Variants in ATP6V1C2 observed in about 807,000 individuals in gnomAD.
The protein encoded by ATP6V1C2 is ATPase H+ transporting V1 subunit C2, also known as V-type proton ATPase subunit C 2.
In ATP6V1C2, 45 loss-of-function variants were observed where a neutral mutation model predicts 56.8. The observed-to-expected ratio is 0.79, with a 90% CI of 0.62 to 1.02. The LOEUF is 1.02. Among genes scored for constraint, ATP6V1C2 ranks in the 50% least tolerant of loss-of-function variants. ATP6V1C2 has a pLI of 0.00. For missense variants in ATP6V1C2, 463 were observed against 519.7 expected, an observed-to-expected ratio of 0.89 and a Z score of 1.06; for synonymous variants, 220 against 201.3, an observed-to-expected ratio of 1.09 and a Z score of -0.79.
chr2:10,776,382 C>T (rs772296112), intron 10 of ATP6V1C2, among the ~76,000 whole-genome samples: 5 of 152,104 alleles, frequency 3.3e-5, no homozygotes, highest in Admixed American at 6.5e-5. Context: ...GCTGAGCCTG[C>T]GGGGAGGGTG....
chr2:10,768,657 A>G (rs1403894361), intron 5 of ATP6V1C2, 62 bp from the exon 6 acceptor site: 5 of 1,418,942 alleles, frequency 3.5e-6, no homozygotes, highest in African/African-American at 1.4e-5. Flanking sequence ...GGCCATTTCA[A>G]AAAGTTCAGC....
intron 6 of ATP6V1C2, among the ~76,000 whole-genome samples, chr2:10,770,947 T>G (rs1243569743): frequency 6.6e-6 from 1 of 152,208 alleles, no homozygotes; most frequent in Non-Finnish European, 1.5e-5. Flanking sequence ...GGCTTCGTGT[T>G]GGGGATTCAG....
intron 4 of ATP6V1C2, chr2:10,757,344 C>T: frequency 2.5e-6 from 1 of 397,784 alleles, no homozygotes; most frequent in Non-Finnish European, 4.4e-6. Context: ...TTTAAATTGA[C>T]ATATGGAAAT....
chr2:10,734,199 C>T (rs907698689), intron 3 of ATP6V1C2, among the ~76,000 whole-genome samples: 1 of 152,136 alleles, frequency 6.6e-6, no homozygotes, highest in Non-Finnish European at 1.5e-5. Flanking sequence ...CTCCCACTTT[C>T]CATGGCGGCT....
intron 12 of ATP6V1C2, 92 bp from the exon 13 acceptor site, chr2:10,782,151 T>C (rs1665402081): frequency 6.1e-6 from 9 of 1,473,636 alleles, no homozygotes; most frequent in Non-Finnish European, 8.3e-6. Context: ...TTGAAGCTTT[T>C]CACCCTCGGA....
intron 3 of ATP6V1C2, among the ~76,000 whole-genome samples, chr2:10,730,127 T>G (rs781115567): frequency 2.6e-5 from 4 of 152,138 alleles, no homozygotes; most frequent in Non-Finnish European, 4.4e-5. Flanking sequence ...TGAGTATTTC[T>G]TTTTTTAAGA....
intron 3 of ATP6V1C2, chr2:10,744,081 C>A (rs989708484): frequency 2.6e-5 from 4 of 152,024 alleles, no homozygotes; most frequent in Admixed American, 2.6e-4. Context: ...ACCTGGGAGG[C>A]TAAGGTAGGA....
chr2:10,764,282 G>C (rs1664093262), intron 4 of ATP6V1C2, 49 bp from the exon 5 acceptor site: 2 of 1,482,254 alleles, frequency 1.3e-6, no homozygotes, highest in Non-Finnish European at 1.9e-6. Flanking sequence ...TCTCAATCAT[G>C]GATGCAGAGC....
At chr2:10,743,756 G>A (rs1662692936) in intron 3 of ATP6V1C2, among the ~76,000 whole-genome samples, 1 of 151,768 alleles carries the variant, frequency 6.6e-6, no homozygotes, top group East Asian at 2.0e-4. Context: ...AGGCCGAGGT[G>A]GGTGGATCAC....
chr2:10,776,597 A>G (rs1259926294), intron 10 of ATP6V1C2, among the ~76,000 whole-genome samples: 1 of 152,184 alleles, frequency 6.6e-6, no homozygotes, highest in African/African-American at 2.4e-5. Context: ...TGTTCTCTTC[A>G]GCCAGGCTTT....
intron 3 of ATP6V1C2, among the ~76,000 whole-genome samples, chr2:10,742,296 T>G (rs993327918): frequency 1.3e-5 from 2 of 152,170 alleles, no homozygotes; most frequent in African/African-American, 4.8e-5. Context: ...AAGCCTTCTC[T>G]TTGGTGTTGC....
In ATP6V1C2 at chr2:10,778,797, T is replaced by C; in HGVS notation, c.1061+128T>C. ...CGTCTCCTTTCTGAGACTGTGGCTG[T>C]TGGCAACACGCTCAATTCCGAGTCA... On this transcript the variant is annotated intron_variant, in intron 12 of 13. Transcript: ENST00000272238. The C allele has an allele frequency of 3.5e-6, 3 of 845,714 alleles. No individual in the cohort carries two copies. In the South Asian group the frequency reaches 4.5e-5, roughly 13 times the overall value. 52.4% of individuals were successfully genotyped at this position (845,714 alleles called of 1,614,324 possible). A position where few individuals can be genotyped will look rare whatever the true frequency, so the allele number is the denominator to read the frequency against.
chr2:10,784,787 T>C lies in ATP6V1C2; in HGVS notation c.*1524T>C, dbSNP rs1247120371. 5.0e-6 allele frequency: 3 copies of C among 605,554 alleles called. No homozygotes were observed. The highest frequency in any genetic ancestry group is 8.8e-6 in the Non-Finnish European group (3 of 339,756). 37.5% of individuals were successfully genotyped at this position (605,554 alleles called of 1,614,324 possible). ...AACTTGTGATAAGGAAGATGAAGGG[T>C]CTTCAGAGAAGAACCTCTTAAAAGG... On this transcript the variant is annotated 3_prime_UTR_variant, in exon 14 of 14. Transcript: ENST00000272238.
intron 3 of ATP6V1C2, among the ~76,000 whole-genome samples, chr2:10,729,182 T>TTTTTTTTTTGG (rs1661823497): frequency 6.6e-6 from 1 of 151,710 alleles, no homozygotes; most frequent in Admixed American, 6.6e-5. Context: ...CTTTTTTTTT[T>TTTTTTTTTTGG]GAGATAGAGT....
chr2:10,782,442 C>T, intron 13 of ATP6V1C2, 67 bp downstream of exon 13: 1 of 1,566,266 alleles, frequency 6.4e-7, no homozygotes, highest in Non-Finnish European at 8.7e-7. Flanking sequence ...AAACTGGTAT[C>T]TGCCTGTAAT....
chr2:10,728,774 CAAA>C (rs370117201), intron 3 of ATP6V1C2, among the ~76,000 whole-genome samples: 846 of 74,216 alleles, frequency 0.011, 7 homozygotes, highest in African/African-American at 0.03. Context: ...CACCCTGTCT[CAAA>C]AAAAAAAAAA....
At chr2:10,723,137 G>GC (rs1417956456) in intron 2 of ATP6V1C2, among the ~76,000 whole-genome samples, 159 bp downstream of exon 2, 1 of 152,120 alleles carries the variant, frequency 6.6e-6, no homozygotes, top group Non-Finnish European at 1.5e-5. Context: ...GGAGGTGATG[G>GC]GCTAGGTGGG....
In ATP6V1C2 at chr2:10,774,642, GA is replaced by G. The variant is rs1263445113; in HGVS notation, c.639-143del. 7 of 722,986 alleles carry G rather than the reference GA, an allele frequency of 9.7e-6. No homozygotes were observed. The Admixed American group carries it at 1.6e-4, about 17-fold the overall frequency. 44.8% of individuals were successfully genotyped at this position (722,986 alleles called of 1,614,324 possible). A position where few individuals can be genotyped will look rare whatever the true frequency, so the allele number is the denominator to read the frequency against. Reference sequence around the variant, plus strand: ...GGAAGGGCAGGCAGCCAGGAGTTAGGAAATCTCAGGGAGTGTCCTTGGTTCC... The same window carrying G: ...GGAAGGGCAGGCAGCCAGGAGTTAGGAATCTCAGGGAGTGTCCTTGGTTCC... On this transcript the variant is annotated intron_variant, in intron 8 of 13. Transcript: ENST00000272238.
chr2:10,739,906 C>A (rs1305054010), intron 3 of ATP6V1C2, among the ~76,000 whole-genome samples: 1 of 151,890 alleles, frequency 6.6e-6, no homozygotes, highest in Non-Finnish European at 1.5e-5. Flanking sequence ...TCAAGACCAG[C>A]CTGGCCAACA....
Sources: allele counts gnomAD v4.1 joint callset (sites outside exome capture counted in the v4.1 genomes callset), GRCh38; gene constraint gnomAD v4.1.1; transcripts MANE v1.5; gene names NCBI Gene and HGNC (gene_info 2026-07-23, HGNC 2026-07-21).